The following CAV2 variants were observed in gnomAD, a reference collection of about 807,000 sequenced individuals.
CAV2 encodes the protein caveolin 2.
In CAV2, 7 loss-of-function variants were observed where a neutral mutation model predicts 15.5. The observed-to-expected ratio is 0.45, with a 90% confidence interval of 0.26 to 0.85. The LOEUF (loss-of-function observed/expected upper bound fraction) is 0.85. Among genes scored for constraint, CAV2 ranks in the 40% least tolerant of loss-of-function variants. The pLI is 0.18. For missense variants in CAV2, 229 were observed against 208.8 expected, an observed-to-expected ratio of 1.10 and a Z score of -0.60; for synonymous variants, 76 against 83.1, an observed-to-expected ratio of 0.91 and a Z score of 0.46.
chr7:116,506,102 T>C lies in CAV2; in HGVS notation c.470T>C (p.Leu157Pro), dbSNP rs979589360. 1.2e-6 allele frequency: 2 copies of C among 1,614,126 alleles called. No individual in the cohort carries two copies. Among genetic ancestry groups the C allele is most frequent in the Non-Finnish European group, 1.7e-6 (2 of 1,179,984 alleles). Residue 157 changes from leucine (L) to proline (P), a missense_variant, in exon 3 of 3, where the codon CTG becomes CCG. Coordinates refer to ENST00000222693, the MANE Select transcript of CAV2 (RefSeq NM_001233.5). Reference sequence around the variant, plus strand: ...GGACGATGCTTCTCTTCTGTCAGCCTGCAACTGAGCCAGGATTGAATACTT... The same window carrying C: ...GGACGATGCTTCTCTTCTGTCAGCCCGCAACTGAGCCAGGATTGAATACTT... ...SVGRCFSSVS[L>P]QLSQD
chr7:116,505,156 A>G (rs373111848), intron 2 of CAV2, among the ~76,000 whole-genome samples: 8 of 152,216 alleles, frequency 5.3e-5, no homozygotes, highest in African/African-American at 1.9e-4. Context: ...GGAATATCCG[A>G]TCTAGCCTGG....
In CAV2 at chr7:116,506,238, A is replaced by G. The variant is rs1192954934; in HGVS notation, c.*117A>G. 6 of 905,904 alleles carry G rather than the reference A, an allele frequency of 6.6e-6. No homozygotes were observed. Among genetic ancestry groups the G allele is most frequent in the Non-Finnish European group, 8.3e-6 (5 of 604,394 alleles). 56.1% of individuals were successfully genotyped at this position (905,904 alleles called of 1,614,324 possible). ...TGTTCTAATTAAGAAAACTATTAAG[A>G]TGAGCAACCACATTTAGAAATGTTT... is the stretch of plus-strand genomic sequence containing the variant. On this transcript the variant is annotated 3_prime_UTR_variant, in exon 3 of 3. Coordinates refer to ENST00000222693, the MANE Select transcript of CAV2 (RefSeq NM_001233.5).
At position 116,507,581 on chromosome 7, in the gene CAV2, G is replaced by T. The variant is rs925137020; in HGVS notation, c.*1460G>T. The T allele has an allele frequency of 6.6e-6, 1 of 151,682 alleles. No homozygotes were observed. Among genetic ancestry groups the T allele is most frequent in the Non-Finnish European group, 1.5e-5 (1 of 68,052 alleles). The allele number at this position is 151,682 out of a possible 1,614,324, so 9.4% of individuals were successfully genotyped here. ...CCAGCTACCTGGGAGGCTGAGGCAG[G>T]AGAATTGCTTGAACCTGGGAGGCAG... On this transcript the variant is annotated 3_prime_UTR_variant, in exon 3 of 3. Coordinates refer to ENST00000222693, the MANE Select transcript of CAV2 (RefSeq NM_001233.5).
rs1793240125 is a variant in CAV2 at position 116,506,375 on chromosome 7, A to G, written c.*254A>G. 4.9e-6 allele frequency: 2 copies of G among 407,638 alleles called. No homozygotes were observed. The allele number at this position is 407,638 out of a possible 1,614,324, so 25.3% of individuals were successfully genotyped here. On this transcript the variant is annotated 3_prime_UTR_variant, in exon 3 of 3. Coordinates refer to ENST00000222693, the MANE Select transcript of CAV2 (RefSeq NM_001233.5). ...TGACACCACTTAGATTTAAAGGCAG[A>G]CAGTTTTGCTTTAGTACAATAGTAT...
Position 116,506,611 on chromosome 7 carries a change from C to T in CAV2, c.*490C>T, listed in dbSNP as rs1431765590. The T allele has an allele frequency of 1.3e-5, 2 of 152,434 alleles. No homozygotes were observed. Among genetic ancestry groups the T allele is most frequent in the African/African-American group, 4.8e-5 (2 of 41,422 alleles). 9.4% of individuals were successfully genotyped at this position (152,434 alleles called of 1,614,324 possible). On this transcript the variant is annotated 3_prime_UTR_variant, in exon 3 of 3. Transcript: ENST00000222693. ...ATCCTGGAAATTGCAGTAACAAAAG[C>T]ACACAACGATTATAGTAACTATAAG...
intron 2 of CAV2, among the ~76,000 whole-genome samples, chr7:116,501,938 C>T (rs1251859952): frequency 6.6e-6 from 1 of 152,146 alleles, no homozygotes; most frequent in Non-Finnish European, 1.5e-5. Context: ...GACATTTGCA[C>T]TTGAATTTTT....
chr7:116,499,989 C>G lies in CAV2; in HGVS notation c.150+58C>G. ...GCTGAGGCCGGGAGGTGCGGGCGCC[C>G]CTCAGCCCCGCCCTAACCCGTCCCA... is the stretch of plus-strand genomic sequence containing the variant. On this transcript the variant is annotated intron_variant, in intron 1 of 2. Transcript: ENST00000222693. 4 of 1,581,172 alleles carry G rather than the reference C, an allele frequency of 2.5e-6. No individual in the cohort carries two copies. The East Asian group carries it at 9.1e-5, about 36-fold the overall frequency.
intron 2 of CAV2, chr7:116,501,124 G>A (rs1793094589): frequency 6.6e-6 from 1 of 152,198 alleles, no homozygotes; most frequent in South Asian, 2.1e-4. Flanking sequence ...TATAATTAAA[G>A]GGGAAAGAAA....
intron 2 of CAV2, among the ~76,000 whole-genome samples, chr7:116,504,577 G>A (rs1287211824): frequency 6.6e-6 from 1 of 152,124 alleles, no homozygotes; most frequent in Non-Finnish European, 1.5e-5. Context: ...AAGTACAGCA[G>A]ACCCTCATTT....
chr7:116,500,484 A>G, intron 2 of CAV2, 37 bp downstream of exon 2: 1 of 1,589,858 alleles, frequency 6.3e-7, no homozygotes, highest in Non-Finnish European at 8.6e-7. Context: ...GGCTTTCTGA[A>G]ACATGGGCAT....
rs556626986 is a variant in CAV2 at position 116,500,502 on chromosome 7, G to A, written c.338+55G>A. The A allele has an allele frequency of 4.6e-6, 7 of 1,528,428 alleles. No individual in the cohort carries two copies. The South Asian group carries it at 4.9e-5, about 11-fold the overall frequency. The allele number at this position is 1,528,428 out of a possible 1,614,324, so 94.7% of individuals were successfully genotyped here. Reference sequence around the variant, plus strand: ...TTTCTGAAACATGGGCATATTCTCCGCCACCTGCCCCCTACTCTCCTCTTA... The same window carrying A: ...TTTCTGAAACATGGGCATATTCTCCACCACCTGCCCCCTACTCTCCTCTTA... On this transcript the variant is annotated intron_variant, in intron 2 of 2. Coordinates refer to ENST00000222693, the MANE Select transcript of CAV2 (RefSeq NM_001233.5).
intron 2 of CAV2, among the ~76,000 whole-genome samples, chr7:116,503,114 T>C (rs1475108920): frequency 6.6e-6 from 1 of 151,142 alleles, no homozygotes; most frequent in Non-Finnish European, 1.5e-5. Context: ...GGCCTTATTA[T>C]CCAAGGATAT....
chr7:116,508,042 C>T lies in CAV2; in HGVS notation c.*1921C>T, dbSNP rs1376673746. The T allele has an allele frequency of 1.3e-5, 2 of 152,190 alleles. No individual in the cohort carries two copies. The highest frequency in any genetic ancestry group is 4.8e-5 in the African/African-American group (2 of 41,444). The allele number at this position is 152,190 out of a possible 1,614,324, so 9.4% of individuals were successfully genotyped here. ...AACTGCCCTAGGCCATTGCAGCATC[C>T]TTAGATGGGACGCATAATCATTACC... On this transcript the variant is annotated 3_prime_UTR_variant, in exon 3 of 3. Coordinates refer to ENST00000222693, the MANE Select transcript of CAV2 (RefSeq NM_001233.5).
In CAV2 at chr7:116,505,052, G is replaced by A. The variant is rs190586978; in HGVS notation, c.339-919G>A. Among the ~76,000 whole-genome samples, 8 of 152,330 alleles carry A rather than the reference G, an allele frequency of 5.3e-5. No individual in the cohort carries two copies. The East Asian group carries it at 1.5e-3, about 29-fold the overall frequency. The stretch of plus-strand genomic sequence containing the variant: ...ACTGTTTAAAAAAACTTAAACGCTA[G>A]TAGGAAAGACAGAAATACAGCATCT... On this transcript the variant is annotated intron_variant, in intron 2 of 2. Coordinates refer to ENST00000222693, the MANE Select transcript of CAV2 (RefSeq NM_001233.5).
intron 2 of CAV2, among the ~76,000 whole-genome samples, chr7:116,502,455 A>C (rs1258116521): frequency 6.7e-6 from 1 of 149,096 alleles, no homozygotes; most frequent in Non-Finnish European, 1.5e-5. Context: ...GAGTAATTTC[A>C]AACAAGAATG....
chr7:116,505,049 C>T (rs754351916), intron 2 of CAV2, among the ~76,000 whole-genome samples: 8 of 152,106 alleles, frequency 5.3e-5, no homozygotes, highest in Non-Finnish European at 1.2e-4. Flanking sequence ...AACTTAAACG[C>T]TAGTAGGAAA....
chr7:116,504,125 CT>C (rs1381570001), intron 2 of CAV2, among the ~76,000 whole-genome samples: 8 of 152,146 alleles, frequency 5.3e-5, no homozygotes, highest in Non-Finnish European at 1.0e-4. Flanking sequence ...AAACTTCAGC[CT>C]TTTAATAGGC....
chr7:116,499,744 C>T lies in CAV2; in HGVS notation c.-38C>T. 6.8e-7 allele frequency: 1 copy of T among 1,472,510 alleles called. No homozygotes were observed. The highest frequency in any genetic ancestry group is 9.0e-7 in the Non-Finnish European group (1 of 1,110,550). 91.2% of individuals were successfully genotyped at this position (1,472,510 alleles called of 1,614,324 possible). On this transcript the variant is annotated 5_prime_UTR_variant, in exon 1 of 3. Transcript: ENST00000222693. ...GCCGCGCGGACCGGGAGCCGCACCG[C>T]GCCAGCCGGGCTGCAGCGGCCGCGC...
intron 2 of CAV2, among the ~76,000 whole-genome samples, chr7:116,502,611 T>C (rs1029420284): frequency 2.0e-5 from 3 of 152,226 alleles, no homozygotes; most frequent in African/African-American, 4.8e-5. Context: ...TCTTTTTATA[T>C]ATATTTTTTA....
Sources: allele counts gnomAD v4.1 joint callset (sites outside exome capture counted in the v4.1 genomes callset), GRCh38; gene constraint gnomAD v4.1.1; transcripts MANE v1.5; gene names NCBI Gene and HGNC (gene_info 2026-07-23, HGNC 2026-07-21).